The following MAP3K15 variants were observed in gnomAD, a reference collection of about 807,000 sequenced individuals.
MAP3K15 encodes MAPK/ERK kinase kinase 15.
Under a neutral mutation model 99.5 loss-of-function variants are expected in MAP3K15, and 124 were observed. The ratio of observed to expected loss-of-function variants is 1.25; its 90% CI spans 1.08 to 1.45. The LOEUF (loss-of-function observed/expected upper bound fraction) is 1.45. Among genes scored for constraint, MAP3K15 ranks in the 40% most tolerant of loss-of-function variants. The pLI is 0.00. For missense variants in MAP3K15, 1,242 were observed against 1,079.7 expected (o/e 1.15, Z -2.11); for synonymous variants, 494 against 439.6 (o/e 1.12, Z -1.55).
chrX:19,431,101 T>G (rs192624932), intron 7 of MAP3K15, among the ~76,000 whole-genome samples: 17 of 111,269 alleles, frequency 1.5e-4, no homozygotes, highest in Admixed American at 5.7e-4. Context: ...AATAAATGAA[T>G]GAATAAGTGA....
intron 9 of MAP3K15, among the ~76,000 whole-genome samples, chrX:19,416,518 G>A (rs995060575): frequency 1.8e-5 from 2 of 111,550 alleles, no homozygotes; most frequent in Non-Finnish European, 3.8e-5. Flanking sequence ...CATAGAGAGT[G>A]CCACTAGTGA....
chrX:19,382,685 G>A (rs371183945), intron 18 of MAP3K15, among the ~76,000 whole-genome samples: 1 of 111,630 alleles, frequency 9.0e-6, no homozygotes, highest in Non-Finnish European at 1.9e-5. Flanking sequence ...ACATGGCAGC[G>A]CATTACACTT....
chrX:19,384,770 A>C (rs962958406), intron 18 of MAP3K15, among the ~76,000 whole-genome samples: 9 of 105,554 alleles, frequency 8.5e-5, no homozygotes, highest in African/African-American at 2.1e-4. Context: ...AAAAAAAAAA[A>C]AAAAAAAAAA....
In MAP3K15 at chrX:19,514,959, C is replaced by A; in HGVS notation, c.303G>T (p.Val101=). The change falls in exon 1 of 29, where the codon GTG becomes GTT. Residue 101 remains valine, a synonymous_variant. Coordinates refer to ENST00000338883, the MANE Select transcript of MAP3K15 (RefSeq NM_001001671.4). ...CCCCGAAGTCCAGCTCCCCGAAGGG[C>A]ACGGAGGTGAGGTGAGCGCCCTCGG... is the stretch of plus-strand genomic sequence containing the variant. ...CEAEGAHLTS[V]PFGELDFGET... is the part of the protein sequence containing the mutation. The A allele has an allele frequency of 8.7e-7, 1 of 1,150,667 alleles. No individual in the cohort carries two copies. 94.8% of individuals were successfully genotyped at this position (1,150,667 alleles called of 1,213,427 possible). A position where few individuals can be genotyped will look rare whatever the true frequency, so the allele number is the denominator to read the frequency against.
intron 25 of MAP3K15, 116 bp from the exon 26 acceptor site, chrX:19,362,966 C>A (rs2063304363): frequency 2.2e-6 from 1 of 445,119 alleles, no homozygotes; most frequent in Non-Finnish European, 3.9e-6. Flanking sequence ...GAAAATGGGA[C>A]AAGTCTAAGA....
intron 7 of MAP3K15, among the ~76,000 whole-genome samples, chrX:19,430,603 G>A (rs148194386): frequency 5.4e-5 from 6 of 111,396 alleles, no homozygotes; most frequent in African/African-American, 1.3e-4. Flanking sequence ...TTGTTAAAAT[G>A]CATGTCCAAT....
chrX:19,453,482 A>T (rs942561459), intron 6 of MAP3K15, among the ~76,000 whole-genome samples: 1 of 107,503 alleles, frequency 9.3e-6, no homozygotes, highest in Non-Finnish European at 1.9e-5. Flanking sequence ...CCTGGGCGAC[A>T]GAGTGAGCGT....
intron 3 of MAP3K15, among the ~76,000 whole-genome samples, chrX:19,479,560 G>A (rs1264540273): frequency 8.9e-6 from 1 of 111,761 alleles, no homozygotes; most frequent in Non-Finnish European, 1.9e-5. Context: ...AAATCAACCT[G>A]CAAAATAAGC....
At chrX:19,471,781 C>A (rs986631707) in intron 3 of MAP3K15, among the ~76,000 whole-genome samples, 1 of 111,045 alleles carries the variant, frequency 9.0e-6, no homozygotes, top group Non-Finnish European at 1.9e-5. Context: ...ACGAAGGCCA[C>A]GGGATGACAT....
intron 3 of MAP3K15, among the ~76,000 whole-genome samples, chrX:19,471,123 G>GA: frequency 9.0e-6 from 1 of 111,204 alleles, no homozygotes. Flanking sequence ...GACAGAAAAA[G>GA]AAAAAATGAA....
chrX:19,390,974 G>T (rs1222871919), intron 18 of MAP3K15, among the ~76,000 whole-genome samples: 1 of 111,446 alleles, frequency 9.0e-6, no homozygotes, highest in African/African-American at 3.3e-5. Flanking sequence ...GTTTAAGCAG[G>T]AATTTCCAAT....
At chrX:19,437,490 C>T (rs1441388870) in intron 6 of MAP3K15, among the ~76,000 whole-genome samples, 7 of 111,570 alleles carry the variant, frequency 6.3e-5, no homozygotes, top group African/African-American at 1.6e-4. Context: ...ATGCTGATCC[C>T]TCTACCTGAA....
intron 9 of MAP3K15, among the ~76,000 whole-genome samples, chrX:19,424,239 T>C (rs867596610): frequency 1.1e-5 from 1 of 89,967 alleles, no homozygotes. Context: ...TACACACATA[T>C]ATATACATAT....
chrX:19,464,952 C>T (rs2064156141), intron 3 of MAP3K15, among the ~76,000 whole-genome samples: 2 of 111,014 alleles, frequency 1.8e-5, no homozygotes, highest in Admixed American at 9.6e-5. Context: ...AGTGCAGTGG[C>T]GCGAACATGG....
At chrX:19,442,137 A>G (rs2063963705) in intron 6 of MAP3K15, among the ~76,000 whole-genome samples, 1 of 111,076 alleles carries the variant, frequency 9.0e-6, no homozygotes, top group African/African-American at 3.3e-5. Context: ...CTGAGTTTTT[A>G]TCAAATCCCT....
chrX:19,361,609 A>G lies in MAP3K15; in HGVS notation c.3680-16T>C. 1 of 1,091,302 alleles carries G rather than the reference A, an allele frequency of 9.2e-7. No individual in the cohort carries two copies. Among genetic ancestry groups the G allele is most frequent in the South Asian group, 1.9e-5 (1 of 52,429 alleles). The allele number at this position is 1,091,302 out of a possible 1,213,427, so 89.9% of individuals were successfully genotyped here. A position where few individuals can be genotyped will look rare whatever the true frequency, so the allele number is the denominator to read the frequency against. On this transcript the variant is annotated splice_polypyrimidine_tract_variant and intron_variant, in intron 26 of 28. Transcript: ENST00000338883. ...TCTGTAATACCTGTAACGATTGGCA[A>G]TTTGTTATATATTAGTCTAACCATA... is the stretch of plus-strand genomic sequence containing the variant.
chrX:19,416,718 G>A (rs1456346983), intron 9 of MAP3K15, among the ~76,000 whole-genome samples: 2 of 112,024 alleles, frequency 1.8e-5, no homozygotes, highest in African/African-American at 6.5e-5. Flanking sequence ...AGTTGTCAGT[G>A]GTTGCGAAAA....
Position 19,395,071 on chromosome X carries a change from G to T in MAP3K15, c.2194+10C>A. ...TCAGAATGTGAGACCAGAAGACAGC[G>T]ACTACTCACCTCCAGGCACCTGCTC... On this transcript the variant is annotated intron_variant, in intron 16 of 28. Coordinates refer to ENST00000338883, the MANE Select transcript of MAP3K15 (RefSeq NM_001001671.4). 1.7e-6 allele frequency: 2 copies of T among 1,204,488 alleles called. No individual in the cohort carries two copies. The highest frequency in any genetic ancestry group is 3.5e-5 in the South Asian group (2 of 56,559).
intron 7 of MAP3K15, among the ~76,000 whole-genome samples, chrX:19,430,351 C>A (rs1313056010): frequency 9.0e-6 from 1 of 111,582 alleles, no homozygotes; most frequent in East Asian, 2.8e-4. Flanking sequence ...CAGTAGCCAA[C>A]ACCAGCTGCC....
Sources: allele counts gnomAD v4.1 joint callset (sites outside exome capture counted in the v4.1 genomes callset), GRCh38; gene constraint gnomAD v4.1.1; transcripts MANE v1.5; gene names NCBI Gene and HGNC (gene_info 2026-07-23, HGNC 2026-07-21).